C2CD3: variants seen among roughly 807,000 people sequenced by gnomAD.
C2CD3 encodes the protein C2 domain-containing protein 3.
A neutral mutation model predicts 234.0 loss-of-function variants in C2CD3; 148 were observed. That is an observed-to-expected ratio of 0.63 (90% CI 0.55 to 0.72). The LOEUF is 0.72. Among genes scored for constraint, C2CD3 ranks in the 30% least tolerant of loss-of-function variants. The pLI is 0.00. For missense variants in C2CD3, 2,577 were observed against 2,811.5 expected (o/e 0.92, Z 1.89); for synonymous variants, 1,000 against 1,035.4 (o/e 0.97, Z 0.66).
At chr11:74,038,049 C>T (rs931448722) in intron 29 of C2CD3, among the ~76,000 whole-genome samples, 3 of 152,202 alleles carry the variant, frequency 2.0e-5, no homozygotes, top group African/African-American at 7.2e-5. Context: ...CTAACACTGT[C>T]CTTTGCTACC....
chr11:74,067,542 T>G (rs561570878), intron 24 of C2CD3, among the ~76,000 whole-genome samples: 1 of 152,236 alleles, frequency 6.6e-6, no homozygotes, highest in South Asian at 2.1e-4. Flanking sequence ...TTACAGCATA[T>G]TTTTGAAAGA....
At chr11:74,137,588 CT>C (rs1206247804) in intron 5 of C2CD3, among the ~76,000 whole-genome samples, 1 of 146,096 alleles carries the variant, frequency 6.8e-6, no homozygotes, top group East Asian at 2.0e-4. Context: ...TATATTTTTT[CT>C]TTTTTTTCTT....
intron 3 of C2CD3, among the ~76,000 whole-genome samples, chr11:74,143,210 C>T (rs1003124046): frequency 6.6e-6 from 1 of 152,122 alleles, no homozygotes; most frequent in African/African-American, 2.4e-5. Flanking sequence ...ACTCAAGGTT[C>T]GCTTTAACAA....
chr11:74,103,998 G>T lies in C2CD3; in HGVS notation c.2086-373C>A, dbSNP rs546660597. ...TAATGGATTATAAACTATTGAATAAGAATCCATGAATCCATCCTGATATAA... is the reference window on the plus strand; with the variant it reads ...TAATGGATTATAAACTATTGAATAATAATCCATGAATCCATCCTGATATAA... On this transcript the variant is annotated intron_variant, in intron 13 of 32. Transcript: ENST00000334126. 7.9e-5 allele frequency among the ~76,000 whole-genome samples: 12 copies of T among 152,250 alleles called. 1 individual carries two copies. In the South Asian group the frequency reaches 2.5e-3, roughly 32 times the overall value.
intron 20 of C2CD3, 25 bp from the exon 21 acceptor site, chr11:74,085,911 A>G: frequency 6.3e-7 from 1 of 1,585,258 alleles, no homozygotes; most frequent in Non-Finnish European, 8.6e-7. Context: ...GGTGGAAATG[A>G]GAAGATACCA....
intron 9 of C2CD3, among the ~76,000 whole-genome samples, chr11:74,116,769 C>T (rs1337206550): frequency 1.4e-5 from 2 of 147,844 alleles, no homozygotes; most frequent in Non-Finnish European, 3.0e-5. Flanking sequence ...TTGTGGTATA[C>T]ATATATGTGT....
At chr11:74,051,332 A>G (rs1333222819) in intron 26 of C2CD3, among the ~76,000 whole-genome samples, 1 of 151,958 alleles carries the variant, frequency 6.6e-6, no homozygotes, top group Non-Finnish European at 1.5e-5. Context: ...TTCAACTTGG[A>G]AAGTTTTTGA....
rs375014619 is a variant in C2CD3, at chr11:74,169,465, G to A, written c.56-852C>T. 5.8e-4 allele frequency among the ~76,000 whole-genome samples: 87 copies of A among 151,130 alleles called. 1 individual carries two copies. Among genetic ancestry groups the A allele is most frequent in the African/African-American group, 1.9e-3 (79 of 41,076 alleles). On this transcript the variant is annotated intron_variant, in intron 1 of 32. Coordinates refer to ENST00000334126, the MANE Select transcript of C2CD3 (RefSeq NM_001286577.2). ...CTTTTTTTTCCTTTGACTTTTCTTTGAGGAGTGGTTATGCCTCAAAGAAGA... is the reference window on the plus strand; with the variant it reads ...CTTTTTTTTCCTTTGACTTTTCTTTAAGGAGTGGTTATGCCTCAAAGAAGA...
intron 8 of C2CD3, among the ~76,000 whole-genome samples, chr11:74,120,091 T>C (rs991488907): frequency 6.6e-6 from 1 of 152,184 alleles, no homozygotes; most frequent in African/African-American, 2.4e-5. Flanking sequence ...ATGTGGCTAC[T>C]AGCTACATTG....
intron 13 of C2CD3, among the ~76,000 whole-genome samples, chr11:74,104,760 G>T (rs367727592): frequency 7.2e-5 from 11 of 152,054 alleles, no homozygotes; most frequent in African/African-American, 2.7e-4. Flanking sequence ...CTGTTTCTTC[G>T]ATCTGAAATC....
intron 15 of C2CD3, among the ~76,000 whole-genome samples, chr11:74,099,211 C>A (rs995937892): frequency 6.6e-6 from 1 of 152,202 alleles, no homozygotes; most frequent in African/African-American, 2.4e-5. Context: ...GACTACCCAG[C>A]CTGGCCATGA....
At chr11:74,149,829 G>A (rs58006161) in intron 3 of C2CD3, among the ~76,000 whole-genome samples, 21,337 of 152,028 alleles carry the variant, frequency 0.14, 1,901 homozygotes, top group Admixed American at 0.23. Context: ...AAGAGTGTGG[G>A]AGAGGTACAA....
intron 8 of C2CD3, among the ~76,000 whole-genome samples, chr11:74,120,243 C>T (rs1054660967): frequency 6.6e-6 from 1 of 151,916 alleles, no homozygotes; most frequent in Non-Finnish European, 1.5e-5. Context: ...TCATCATTTA[C>T]ATTAGGTATT....
chr11:74,121,045 G>A (rs1284761583), intron 8 of C2CD3, among the ~76,000 whole-genome samples: 1 of 151,766 alleles, frequency 6.6e-6, no homozygotes, highest in East Asian at 1.9e-4. Flanking sequence ...AGTGGCTTGA[G>A]ACTCCAGTAT....
At chr11:74,149,360 A>G (rs1323272095) in intron 3 of C2CD3, among the ~76,000 whole-genome samples, 2 of 27,914 alleles carry the variant, frequency 7.2e-5, no homozygotes, top group South Asian at 1.5e-3. Flanking sequence ...TGCTTAGTTA[A>G]AAAAAAAATT....
chr11:74,125,314 C>T (rs1269758030), intron 7 of C2CD3, among the ~76,000 whole-genome samples: 1 of 152,078 alleles, frequency 6.6e-6, no homozygotes, highest in Non-Finnish European at 1.5e-5. Flanking sequence ...ATTACAGGTG[C>T]ACACCAATAC....
At chr11:74,027,209 C>A (rs1157443963) in intron 32 of C2CD3, among the ~76,000 whole-genome samples, 1 of 152,054 alleles carries the variant, frequency 6.6e-6, no homozygotes, top group Non-Finnish European at 1.5e-5. Context: ...TGGGCTCAAG[C>A]GATTTTTGTG....
intron 2 of C2CD3, among the ~76,000 whole-genome samples, chr11:74,163,734 T>G (rs1856624312): frequency 6.6e-6 from 1 of 152,206 alleles, no homozygotes; most frequent in Admixed American, 6.5e-5. Flanking sequence ...TTACCCAGTT[T>G]CAGGTATGTC....
At chr11:74,047,624 C>T (rs1293559997) in intron 28 of C2CD3, among the ~76,000 whole-genome samples, 1 of 152,166 alleles carries the variant, frequency 6.6e-6, no homozygotes, top group Non-Finnish European at 1.5e-5. Context: ...GTAGGAAGGG[C>T]TGCTGTAGGG....
Sources: gnomAD v4.1 joint callset for allele counts (sites outside exome capture counted in the v4.1 genomes callset) on GRCh38, gnomAD v4.1.1 for gene constraint, MANE v1.5 for transcripts, NCBI Gene and HGNC (gene_info 2026-07-23, HGNC 2026-07-21) for gene names.